ACVR1C: variants seen among roughly 807,000 people sequenced by gnomAD.
ACVR1C encodes the protein activin receptor type-1C.
In ACVR1C, 23 loss-of-function variants were observed where a neutral mutation model predicts 57.9. The ratio of observed to expected loss-of-function variants is 0.40; its 90% CI spans 0.29 to 0.56. ACVR1C has a LOEUF of 0.56. ACVR1C is among the 20% of genes least tolerant of loss of function. The pLI is 0.50. For synonymous variants in ACVR1C, 214 were observed against 215.3 expected, an observed-to-expected ratio of 0.99 and a Z score of 0.05; for missense variants, 480 against 607.9, an observed-to-expected ratio of 0.79 and a Z score of 2.21.
chr2:157,577,328 T>C (rs1336697483), intron 2 of ACVR1C, among the ~76,000 whole-genome samples: 1 of 152,304 alleles, frequency 6.6e-6, no homozygotes, highest in African/African-American at 2.4e-5. Flanking sequence ...AAATCTACTG[T>C]AATATCAATT....
At position 157,587,347 on chromosome 2, in the gene ACVR1C, T is replaced by C. The variant is rs1688950681; in HGVS notation, c.144A>G (p.Ala48=). Reference sequence around the variant, plus strand: ...CTTTTCCATTGGTTAGCATGACTGATGCCCAACATGCTCCTTCTGTTTGGC... The same window carrying C: ...CTTTTCCATTGGTTAGCATGACTGACGCCCAACATGCTCCTTCTGTTTGGC... ...FTCQTEGACW[A]SVMLTNGKEQ... Residue 48 remains alanine (A), a synonymous_variant, in exon 2 of 9, where the codon GCA becomes GCG. Transcript: ENST00000243349. 2 of 1,613,680 alleles carry C rather than the reference T, an allele frequency of 1.2e-6. No individual in the cohort carries two copies. The highest frequency in any genetic ancestry group is 1.7e-6 in the Non-Finnish European group (2 of 1,179,630).
intron 1 of ACVR1C, among the ~76,000 whole-genome samples, chr2:157,612,550 G>C (rs1266321509): frequency 6.6e-6 from 1 of 152,142 alleles, no homozygotes; most frequent in Non-Finnish European, 1.5e-5. Flanking sequence ...GTGTGGAGTT[G>C]GGAAGGGGTC....
rs1342497595 is a variant in ACVR1C at position 157,529,592 on chromosome 2, C to T, written c.*4326G>A. The T allele has an allele frequency of 6.6e-6, 1 of 151,950 alleles. No individual in the cohort carries two copies. Among genetic ancestry groups the T allele is most frequent in the Non-Finnish European group, 1.5e-5 (1 of 67,938 alleles). The allele number at this position is 151,950 out of a possible 1,614,324, so 9.4% of individuals were successfully genotyped here. On this transcript the variant is annotated 3_prime_UTR_variant, in exon 9 of 9. Coordinates refer to ENST00000243349, the MANE Select transcript of ACVR1C (RefSeq NM_145259.3). ...ACTAGTAGTCATTTAATCTCTGATC[C>T]TTGGTTTCGTCATCTACACAAAATT...
intron 1 of ACVR1C, among the ~76,000 whole-genome samples, chr2:157,595,949 A>G (rs1480142501): frequency 6.6e-6 from 1 of 152,220 alleles, no homozygotes; most frequent in Non-Finnish European, 1.5e-5. Context: ...ATGTATCACA[A>G]TCTGTAATTC....
At chr2:157,624,663 A>G (rs1357980051) in intron 1 of ACVR1C, among the ~76,000 whole-genome samples, 2 of 152,198 alleles carry the variant, frequency 1.3e-5, no homozygotes, top group African/African-American at 4.8e-5. Context: ...CTGTGCAAAG[A>G]GTTGGGAGTG....
At chr2:157,537,940 G>A (rs1170771535) in intron 8 of ACVR1C, among the ~76,000 whole-genome samples, 1 of 152,170 alleles carries the variant, frequency 6.6e-6, no homozygotes, top group Non-Finnish European at 1.5e-5. Flanking sequence ...AGTCTCTGAT[G>A]TGAGGGAGCT....
At chr2:157,596,253 G>T (rs1682107641) in intron 1 of ACVR1C, among the ~76,000 whole-genome samples, 1 of 151,830 alleles carries the variant, frequency 6.6e-6, no homozygotes, top group African/African-American at 2.4e-5. Flanking sequence ...GAAATCCTTT[G>T]TCATATGTGT....
intron 2 of ACVR1C, among the ~76,000 whole-genome samples, chr2:157,581,312 T>C (rs558049757): frequency 6.6e-6 from 1 of 151,620 alleles, no homozygotes; most frequent in Non-Finnish European, 1.5e-5. Context: ...GATATTGAAA[T>C]CATCAAAGAT....
chr2:157,541,988 G>A (rs773321216), intron 6 of ACVR1C, among the ~76,000 whole-genome samples: 13 of 152,152 alleles, frequency 8.5e-5, no homozygotes, highest in Non-Finnish European at 1.8e-4. Context: ...ATGGCCACAG[G>A]CTGGCTATAG....
intron 4 of ACVR1C, among the ~76,000 whole-genome samples, chr2:157,545,010 C>T (rs1305029988): frequency 6.6e-6 from 1 of 152,054 alleles, no homozygotes; most frequent in African/African-American, 2.4e-5. Flanking sequence ...CAATAAAGAT[C>T]AGAAATATAA....
chr2:157,532,056 G>C lies in ACVR1C; in HGVS notation c.*1862C>G, dbSNP rs77290358. 1.3e-5 allele frequency: 2 copies of C among 152,096 alleles called. No homozygotes were observed. Among genetic ancestry groups the C allele is most frequent in the African/African-American group, 4.8e-5 (2 of 41,438 alleles). 9.4% of individuals were successfully genotyped at this position (152,096 alleles called of 1,614,324 possible). A position where few individuals can be genotyped will look rare whatever the true frequency, so the allele number is the denominator to read the frequency against. ...TTAATAAGTGGATGAGAGCATTAAC[G>C]AGTATGGAAGTACACGCAAACTCCA... On this transcript the variant is annotated 3_prime_UTR_variant, in exon 9 of 9. Coordinates refer to ENST00000243349, the MANE Select transcript of ACVR1C (RefSeq NM_145259.3).
chr2:157,562,124 G>C (rs1251544029), intron 2 of ACVR1C, among the ~76,000 whole-genome samples: 2 of 151,834 alleles, frequency 1.3e-5, no homozygotes, highest in Non-Finnish European at 2.9e-5. Context: ...GTGAAACCCT[G>C]TCTCTACGAA....
intron 2 of ACVR1C, among the ~76,000 whole-genome samples, chr2:157,574,273 G>A (rs947170091): frequency 1.6e-4 from 25 of 152,208 alleles, no homozygotes; most frequent in African/African-American, 5.8e-4. Flanking sequence ...TTGGTGAAGG[G>A]CTGCTTTCTG....
chr2:157,565,107 C>T (rs1688332186), intron 2 of ACVR1C, among the ~76,000 whole-genome samples: 2 of 151,812 alleles, frequency 1.3e-5, no homozygotes, highest in Non-Finnish European at 2.9e-5. Context: ...ACATGTATCC[C>T]AGAATTTAAA....
rs866513388 is a variant in ACVR1C, at chr2:157,527,958, C to T, written c.*5960G>A. The T allele has an allele frequency of 6.6e-6, 1 of 152,044 alleles. No homozygotes were observed. Among genetic ancestry groups the T allele is most frequent in the Middle Eastern group, 3.2e-3 (1 of 316 alleles). The allele number at this position is 152,044 out of a possible 1,614,324, so 9.4% of individuals were successfully genotyped here. ...GATTGTCTGGGTTGAAAAATTAAAC[C>T]AACATGATAAACAATCAATTTCTCT... On this transcript the variant is annotated 3_prime_UTR_variant, in exon 9 of 9. Transcript: ENST00000243349.
Position 157,528,486 on chromosome 2 carries a change from A to G in ACVR1C, c.*5432T>C, listed in dbSNP as rs375115214. On this transcript the variant is annotated 3_prime_UTR_variant, in exon 9 of 9. Coordinates refer to ENST00000243349, the MANE Select transcript of ACVR1C (RefSeq NM_145259.3). The stretch of plus-strand genomic sequence containing the variant: ...CATATTCTCTCGAATGTATTCATCT[A>G]CAACTGAAAGAGAAAAGTATGCTGG... 57 of 152,292 alleles carry G rather than the reference A, an allele frequency of 3.7e-4. No individual in the cohort carries two copies. The highest frequency in any genetic ancestry group is 1.2e-3 in the African/African-American group (49 of 41,576). 9.4% of individuals were successfully genotyped at this position (152,292 alleles called of 1,614,324 possible).
intron 8 of ACVR1C, among the ~76,000 whole-genome samples, chr2:157,536,828 C>T (rs1397220461): frequency 6.6e-6 from 1 of 151,980 alleles, no homozygotes; most frequent in Non-Finnish European, 1.5e-5. Context: ...AAACAAAATA[C>T]TGGACAAAAA....
chr2:157,579,238 T>G (rs1297180975), intron 2 of ACVR1C, among the ~76,000 whole-genome samples: 1 of 152,220 alleles, frequency 6.6e-6, no homozygotes, highest in East Asian at 1.9e-4. Flanking sequence ...CCCTCTCTTT[T>G]GGACTCGTAT....
Position 157,529,468 on chromosome 2 carries a change from A to C in ACVR1C, c.*4450T>G, listed in dbSNP as rs1206326392. On this transcript the variant is annotated 3_prime_UTR_variant, in exon 9 of 9. Transcript: ENST00000243349. The stretch of plus-strand genomic sequence containing the variant: ...GTTAGTGTGCATTCAAGGTAGGTTT[A>C]GATGCATGCGAATTAATTTTTAATC... 1 of 152,130 alleles carries C rather than the reference A, an allele frequency of 6.6e-6. No homozygotes were observed. Among genetic ancestry groups the C allele is most frequent in the Non-Finnish European group, 1.5e-5 (1 of 68,000 alleles). The allele number at this position is 152,130 out of a possible 1,614,324, so 9.4% of individuals were successfully genotyped here.
Sources: allele counts gnomAD v4.1 joint callset (sites outside exome capture counted in the v4.1 genomes callset), GRCh38; gene constraint gnomAD v4.1.1; transcripts MANE v1.5; gene names NCBI Gene and HGNC (gene_info 2026-07-23, HGNC 2026-07-21).